GAB2: variants seen among roughly 807,000 people sequenced by gnomAD.
The protein encoded by GAB2 is GRB2 associated binding protein 2, also known as GRB2-associated-binding protein 2.
GAB2 carries 26 observed loss-of-function variants against 65.5 expected under a neutral mutation model. The observed-to-expected ratio is 0.40, with a 90% CI of 0.29 to 0.55. The LOEUF is 0.55. GAB2 is among the 20% of genes least tolerant of loss of function. The probability of loss-of-function intolerance (pLI) is 0.53; values close to 1 mark genes in which losing one functional copy is unlikely to be tolerated. For missense variants in GAB2, 884 were observed against 875.8 expected (o/e 1.01, Z -0.12); for synonymous variants, 321 against 329.6 (o/e 0.97, Z 0.28).
rs537221109 is a variant in GAB2, at chr11:78,287,652, T to A, written c.76-6751A>T. Among the ~76,000 whole-genome samples, 493 of 150,322 alleles carry A rather than the reference T, an allele frequency of 3.3e-3. 2 individuals are homozygous for A. Among genetic ancestry groups the A allele is most frequent in the African/African-American group, 0.011 (469 of 40,954 alleles). ...GGCAAGGACATTTGCTCTTATCATTTTTTTTTTTTTTTTTGAGACAGAGTC... is the reference window on the plus strand; with the variant it reads ...GGCAAGGACATTTGCTCTTATCATTATTTTTTTTTTTTTTGAGACAGAGTC... On this transcript the variant is annotated intron_variant, in intron 1 of 9. Coordinates refer to ENST00000361507, the MANE Select transcript of GAB2 (RefSeq NM_080491.3).
At position 78,243,151 on chromosome 11, in the gene GAB2, G is replaced by A. The variant is rs567727868; in HGVS notation, c.620+7006C>T. Among the ~76,000 whole-genome samples the A allele has an allele frequency of 4.1e-5, 6 of 144,772 alleles. No homozygotes were observed. In the South Asian group the frequency reaches 1.1e-3, roughly 26 times the overall value. 95.0% of individuals were successfully genotyped at this position (144,772 alleles called of 152,430 possible). On this transcript the variant is annotated intron_variant, in intron 3 of 9. Transcript: ENST00000361507. ...TACTCTCCAGTATGGGCGACAGAGT[G>A]AGACTCTGTCTAGAAAAAAAAAAAG...
At chr11:78,359,590 T>A (rs1417253060) in intron 1 of GAB2, among the ~76,000 whole-genome samples, 1 of 152,080 alleles carries the variant, frequency 6.6e-6, no homozygotes, top group African/African-American at 2.4e-5. Context: ...AGAAAAATAA[T>A]CCCAGATGGA....
At chr11:78,223,250 A>G (rs1196113364) in intron 6 of GAB2, among the ~76,000 whole-genome samples, 162 bp downstream of exon 6, 1 of 152,148 alleles carries the variant, frequency 6.6e-6, no homozygotes, top group Non-Finnish European at 1.5e-5. Flanking sequence ...GGGAGGTAGG[A>G]ATTACCATCT....
At chr11:78,369,138 T>C (rs541413860) in intron 1 of GAB2, among the ~76,000 whole-genome samples, 145 of 136,362 alleles carry the variant, frequency 1.1e-3, no homozygotes, top group Non-Finnish European at 1.6e-3. Flanking sequence ...AGAGACCCTG[T>C]CTCAAAAAAA....
At chr11:78,374,714 G>T (rs948347744) in intron 1 of GAB2, among the ~76,000 whole-genome samples, 1 of 152,156 alleles carries the variant, frequency 6.6e-6, no homozygotes, top group Non-Finnish European at 1.5e-5. Context: ...ATACAATTTA[G>T]TAAGTAATAT....
At chr11:78,383,233 T>C (rs1355641669) in intron 1 of GAB2, among the ~76,000 whole-genome samples, 3 of 151,914 alleles carry the variant, frequency 2.0e-5, no homozygotes, top group Admixed American at 6.6e-5. Flanking sequence ...GACCATGCCA[T>C]TGCACTCCAG....
At chr11:78,294,248 TC>T (rs1452944038) in intron 1 of GAB2, among the ~76,000 whole-genome samples, 1 of 152,194 alleles carries the variant, frequency 6.6e-6, no homozygotes, top group Non-Finnish European at 1.5e-5. Flanking sequence ...GGACATGAAC[TC>T]ATTTTTTATG....
At chr11:78,369,470 G>C (rs538537604) in intron 1 of GAB2, among the ~76,000 whole-genome samples, 26 of 152,314 alleles carry the variant, frequency 1.7e-4, no homozygotes, top group African/African-American at 6.3e-4. Context: ...TCTGGGATGT[G>C]AAACTTGCAT....
chr11:78,240,091 T>C (rs1590957003), intron 3 of GAB2, among the ~76,000 whole-genome samples: 1 of 152,042 alleles, frequency 6.6e-6, no homozygotes, highest in African/African-American at 2.4e-5. Context: ...TGAAGCAGTA[T>C]GCTCTCTTCA....
intron 3 of GAB2, among the ~76,000 whole-genome samples, chr11:78,249,914 T>C (rs1170374123): frequency 6.6e-6 from 1 of 151,938 alleles, no homozygotes; most frequent in African/African-American, 2.4e-5. Context: ...ATCAAACATT[T>C]TTTATAGCAT....
At chr11:78,236,180 A>G (rs1350710312) in intron 3 of GAB2, among the ~76,000 whole-genome samples, 2 of 152,226 alleles carry the variant, frequency 1.3e-5, no homozygotes, top group Non-Finnish European at 2.9e-5. Context: ...ATTTATTCCC[A>G]AGTATTCCAC....
chr11:78,370,256 C>CAAAA (rs35777026), intron 1 of GAB2, among the ~76,000 whole-genome samples: 6 of 99,182 alleles, frequency 6.0e-5, no homozygotes, highest in African/African-American at 8.0e-5. Flanking sequence ...GACTCCGTCT[C>CAAAA]AAAAAAAAAA....
At chr11:78,355,497 C>A (rs376646818) in intron 1 of GAB2, among the ~76,000 whole-genome samples, 3 of 152,112 alleles carry the variant, frequency 2.0e-5, no homozygotes, top group African/African-American at 4.8e-5. Flanking sequence ...TCTTTATCAA[C>A]ATCCACAGCA....
chr11:78,282,318 T>C (rs370089749), intron 1 of GAB2, among the ~76,000 whole-genome samples: 1 of 151,962 alleles, frequency 6.6e-6, no homozygotes, highest in African/African-American at 2.4e-5. Flanking sequence ...AATTTTTTTT[T>C]TTTTTTGAGA....
chr11:78,245,293 TTATG>T (rs1350820596), intron 3 of GAB2, among the ~76,000 whole-genome samples: 1 of 151,852 alleles, frequency 6.6e-6, no homozygotes, highest in Non-Finnish European at 1.5e-5. Context: ...GATGATATAT[TTATG>T]CTATGTATTT....
intron 1 of GAB2, among the ~76,000 whole-genome samples, chr11:78,328,823 G>C (rs1855868220): frequency 6.6e-6 from 1 of 152,082 alleles, no homozygotes. Context: ...AAACTTTCTG[G>C]AACGATGGTA....
At position 78,336,326 on chromosome 11, in the gene GAB2, C is replaced by CAAA. The variant is rs71046966; in HGVS notation, c.76-55428_76-55426dup. Among the ~76,000 whole-genome samples, 21 of 19,254 alleles carry CAAA rather than the reference C, an allele frequency of 1.1e-3. 6 individuals carry two copies. The highest frequency in any genetic ancestry group is 2.2e-3 in the Admixed American group (2 of 924). 12.6% of individuals were successfully genotyped at this position (19,254 alleles called of 152,430 possible). On this transcript the variant is annotated intron_variant, in intron 1 of 9. Coordinates refer to ENST00000361507, the MANE Select transcript of GAB2 (RefSeq NM_080491.3). ...CGGGCGACAGAGCGAGACTGTCTCT[C>CAAA]AAAAAAAAAAAAAAAAAAAAAAAAA...
intron 1 of GAB2, among the ~76,000 whole-genome samples, chr11:78,285,132 G>A (rs912604717): frequency 1.3e-4 from 20 of 152,202 alleles, no homozygotes; most frequent in Admixed American, 5.9e-4. Context: ...GACACATAGT[G>A]TGTGGGCACC....
chr11:78,295,902 G>C (rs927218939), intron 1 of GAB2, among the ~76,000 whole-genome samples: 1 of 152,156 alleles, frequency 6.6e-6, no homozygotes, highest in Non-Finnish European at 1.5e-5. Flanking sequence ...CACTGTATTA[G>C]TTAATATTGA....
Sources: allele counts gnomAD v4.1 joint callset (sites outside exome capture counted in the v4.1 genomes callset), GRCh38; gene constraint gnomAD v4.1.1; transcripts MANE v1.5; gene names NCBI Gene and HGNC (gene_info 2026-07-23, HGNC 2026-07-21).